The following GAK variants were observed in gnomAD, a reference collection of about 807,000 sequenced individuals.
GAK encodes cyclin G associated kinase.
Under a neutral mutation model 143.9 loss-of-function variants are expected in GAK, and 79 were observed. The observed-to-expected ratio is 0.55, with a 90% confidence interval of 0.46 to 0.66. GAK has a LOEUF of 0.66. Among genes scored for constraint, GAK ranks in the 30% least tolerant of loss-of-function variants. The probability of loss-of-function intolerance (pLI) is 0.00; values close to 1 mark genes in which losing one functional copy is unlikely to be tolerated. For synonymous variants in GAK, 881 were observed against 765.5 expected (o/e 1.15, Z -2.49); for missense variants, 1,693 against 1,779.7 (o/e 0.95, Z 0.88).
At chr4:856,678 C>A (rs1431810348) in intron 24 of GAK, among the ~76,000 whole-genome samples, 1 of 152,090 alleles carries the variant, frequency 6.6e-6, no homozygotes, top group African/African-American at 2.4e-5. Flanking sequence ...CAGCTGCTCA[C>A]ACCTGCTCAC....
intron 1 of GAK, among the ~76,000 whole-genome samples, chr4:927,976 G>C (rs1309164369): frequency 6.6e-6 from 1 of 152,234 alleles, no homozygotes; most frequent in Admixed American, 6.5e-5. Flanking sequence ...GAACAGCACG[G>C]AGCTTCAGAG....
intron 23 of GAK, among the ~76,000 whole-genome samples, chr4:860,718 C>T (rs886210632): frequency 2.0e-5 from 3 of 150,560 alleles, no homozygotes; most frequent in African/African-American, 4.9e-5. Flanking sequence ...GGGAGAAGGG[C>T]ACCCAGGCCC....
At chr4:925,107 C>CA (rs1724508407) in intron 1 of GAK, among the ~76,000 whole-genome samples, 1 of 152,150 alleles carries the variant, frequency 6.6e-6, no homozygotes, top group African/African-American at 2.4e-5. Context: ...TATGAATGTG[C>CA]AATGCCAGAA....
At chr4:884,832 AGGAGCAACCTCAGCTAG>A (rs1465811468) in intron 11 of GAK, among the ~76,000 whole-genome samples, 4 of 152,254 alleles carry the variant, frequency 2.6e-5, no homozygotes, top group Non-Finnish European at 4.4e-5. Context: ...AGGCTGGGCT[AGGAGCAACCTCAGCTAG>A]GCACATCGCA....
At chr4:889,118 G>A (rs2152841349) in intron 10 of GAK, 148 bp from the exon 11 acceptor site, 4 of 1,058,346 alleles carry the variant, frequency 3.8e-6, no homozygotes, top group South Asian at 1.7e-5. Context: ...TGCTGGCTGG[G>A]CCCAGGCAGC....
intron 1 of GAK, among the ~76,000 whole-genome samples, chr4:923,591 C>T (rs1222903632): frequency 6.6e-6 from 1 of 151,932 alleles, no homozygotes; most frequent in African/African-American, 2.4e-5. Context: ...GGGAGGATCG[C>T]TTGAGTCCGG....
chr4:926,899 G>A lies in GAK; in HGVS notation c.145+5144C>T, dbSNP rs1380515476. Reference sequence around the variant, plus strand: ...AACCCCCCCCACCCCGCTCACCTGCGCTCCGCACTGCCCCGCACCCCTCCC... The same window carrying A: ...AACCCCCCCCACCCCGCTCACCTGCACTCCGCACTGCCCCGCACCCCTCCC... On this transcript the variant is annotated intron_variant, in intron 1 of 27. Coordinates refer to ENST00000314167, the MANE Select transcript of GAK (RefSeq NM_005255.4). Among the ~76,000 whole-genome samples the A allele has an allele frequency of 3.0e-3, 191 of 64,362 alleles. 11 individuals carry two copies. The highest frequency in any genetic ancestry group is 0.013 in the East Asian group (20 of 1,598). 42.2% of individuals were successfully genotyped at this position (64,362 alleles called of 152,430 possible). A position where few individuals can be genotyped will look rare whatever the true frequency, so the allele number is the denominator to read the frequency against.
At chr4:886,554 T>C (rs1244428641) in intron 11 of GAK, 1 of 152,320 alleles carries the variant, frequency 6.6e-6, no homozygotes, top group Non-Finnish European at 1.5e-5. Context: ...TGGAGACCAT[T>C]TTCACTGATG....
chr4:876,714 G>A (rs1713968627), intron 17 of GAK, 105 bp from the exon 18 acceptor site: 6 of 986,358 alleles, frequency 6.1e-6, no homozygotes, highest in East Asian at 2.4e-5. Flanking sequence ...GGCTCATGGT[G>A]CTGGAGGCAT....
chr4:898,754 T>C (rs1719290863), intron 5 of GAK, among the ~76,000 whole-genome samples: 1 of 152,004 alleles, frequency 6.6e-6, no homozygotes. Flanking sequence ...TCCCAGCTAC[T>C]CAGGAGGCTG....
At position 868,609 on chromosome 4, in the gene GAK, G is replaced by T; in HGVS notation, c.2325C>A (p.Pro775=). The part of the protein sequence containing the change: ...DAGAGSPEAE[P]TDSDSPPSSS... ...TGCTTGGCGGTGAGTCAGAGTCTGT[G>T]GGTTCGGCTTCCGGGGACCCTGCCC... is the stretch of plus-strand genomic sequence containing the variant. Residue 775 remains proline, a synonymous_variant, in exon 20 of 28, where the codon CCC becomes CCA. Coordinates refer to ENST00000314167, the MANE Select transcript of GAK (RefSeq NM_005255.4). 3.8e-6 allele frequency: 6 copies of T among 1,595,304 alleles called. No individual in the cohort carries two copies. Among genetic ancestry groups the T allele is most frequent in the Non-Finnish European group, 5.1e-6 (6 of 1,171,408 alleles).
Position 877,815 on chromosome 4 carries a change from G to T in GAK, c.1662-6C>A, listed in dbSNP as rs1329870706. ...CACACATGTACTCGATGTACCTGGG[G>T]GCAGACGTGCCGCGTCACCACGTGA... On this transcript the variant is annotated splice_polypyrimidine_tract_variant and splice_region_variant and intron_variant, in intron 15 of 27. Transcript: ENST00000314167. 2 of 1,572,930 alleles carry T rather than the reference G, an allele frequency of 1.3e-6. No individual in the cohort carries two copies. Among genetic ancestry groups the T allele is most frequent in the Middle Eastern group, 1.7e-4 (1 of 5,914 alleles).
rs754913836 is a variant in GAK at position 888,965 on chromosome 4, C to T, written c.1087G>A (p.Ala363Thr). 1.2e-6 allele frequency: 2 copies of T among 1,611,086 alleles called. No homozygotes were observed. The highest frequency in any genetic ancestry group is 2.7e-5 in the African/African-American group (2 of 74,910). Reference protein sequence around the residue: ...PAGSGYSGGLALAEYDQPYGG... With the variant: ...PAGSGYSGGLTLAEYDQPYGG... The stretch of plus-strand genomic sequence containing the variant: ...TACGGCTGGTCGTACTCCGCCAGCG[C>T]CAGGCCTGCAGGGAGACACAGTCTC... Residue 363 changes from alanine to threonine, a missense_variant, in exon 11 of 28, where the codon GCG (alanine) becomes ACG (threonine). By Grantham distance (58) the Ala-to-Thr change is moderately conservative (BLOSUM62 0). This residue lies in a region of GAK where 871 missense variants were observed against 991.0 expected (regional missense o/e 0.88). Transcript: ENST00000314167.
intron 10 of GAK, among the ~76,000 whole-genome samples, chr4:889,842 G>A (rs756719680): frequency 3.3e-5 from 5 of 152,202 alleles, no homozygotes; most frequent in African/African-American, 1.2e-4. Flanking sequence ...AGCATGCAGC[G>A]TCTGTCTCCA....
chr4:860,803 G>C (rs1750145026), intron 23 of GAK, among the ~76,000 whole-genome samples: 1 of 151,740 alleles, frequency 6.6e-6, no homozygotes, highest in East Asian at 1.9e-4. Flanking sequence ...GCACTCGAGG[G>C]GACGGGCACC....
At chr4:930,785 A>G (rs1437866267) in intron 1 of GAK, among the ~76,000 whole-genome samples, 1 of 152,164 alleles carries the variant, frequency 6.6e-6, no homozygotes, top group East Asian at 1.9e-4. Flanking sequence ...AATCATACCC[A>G]AAATCTGTTT....
intron 16 of GAK, 73 bp downstream of exon 16, chr4:877,542 A>G: frequency 2.1e-6 from 3 of 1,453,912 alleles, no homozygotes; most frequent in Admixed American, 2.3e-5. Flanking sequence ...CGGCAAGGCC[A>G]GGGTTCCTCT....
chr4:908,383 C>T (rs1437183533), intron 4 of GAK, among the ~76,000 whole-genome samples: 1 of 152,204 alleles, frequency 6.6e-6, no homozygotes, highest in Non-Finnish European at 1.5e-5. Flanking sequence ...TGGAAAGAGG[C>T]CTGAGCAGGG....
At chr4:897,983 G>T in intron 6 of GAK, 50 bp downstream of exon 6, 1 of 1,575,192 alleles carries the variant, frequency 6.3e-7, no homozygotes, top group Non-Finnish European at 8.6e-7. Context: ...CTCAGGGCGT[G>T]GAATGTGGGA....
Sources: allele counts gnomAD v4.1 joint callset (sites outside exome capture counted in the v4.1 genomes callset), GRCh38; gene constraint gnomAD v4.1.1; regional missense constraint gnomAD v4.1.1; transcripts MANE v1.5; gene names NCBI Gene and HGNC (gene_info 2026-07-23, HGNC 2026-07-21).